The following TCERG1 variants were observed in gnomAD, a reference collection of about 807,000 sequenced individuals.
TCERG1 encodes TATA box binding protein (TBP)-associated factor, RNA polymerase II, S, 150kD.
In TCERG1, 37 loss-of-function variants were observed where a neutral mutation model predicts 144.7. The ratio of observed to expected loss-of-function variants is 0.26; its 90% CI spans 0.20 to 0.34. The LOEUF (loss-of-function observed/expected upper bound fraction) is 0.34, where lower values mean the gene tolerates loss of function less well. Among genes scored for constraint, TCERG1 ranks in the 10% least tolerant of loss-of-function variants. The pLI is 1.00. For synonymous variants in TCERG1, 492 were observed against 458.2 expected (o/e 1.07, Z -0.94); for missense variants, 1,027 against 1,380.7 (o/e 0.74, Z 4.06).
At chr5:146,471,621 C>G in intron 9 of TCERG1, 45 bp downstream of exon 9, 1 of 1,462,270 alleles carries the variant, frequency 6.8e-7, no homozygotes, top group Non-Finnish European at 9.4e-7. Context: ...TTTTTTGAGA[C>G]GGAGTCTCAC....
chr5:146,508,077 A>G (rs1224296846), intron 21 of TCERG1, 121 bp downstream of exon 21: 3 of 555,780 alleles, frequency 5.4e-6, no homozygotes, highest in Non-Finnish European at 9.0e-6. Flanking sequence ...TTTTAAGTGT[A>G]TGAGAAGTAA....
intron 1 of TCERG1, among the ~76,000 whole-genome samples, chr5:146,452,660 G>C (rs1041605801): frequency 6.6e-6 from 1 of 152,142 alleles, no homozygotes; most frequent in Non-Finnish European, 1.5e-5. Context: ...CACAATCTCG[G>C]CTCACTGCAA....
chr5:146,458,681 G>C (rs1382659801), intron 3 of TCERG1, among the ~76,000 whole-genome samples: 1 of 151,522 alleles, frequency 6.6e-6, no homozygotes, highest in Admixed American at 6.6e-5. Flanking sequence ...CACCATTTTG[G>C]CCAGGCTGGT....
At chr5:146,461,429 C>T (rs529976247) in intron 4 of TCERG1, among the ~76,000 whole-genome samples, 19 of 152,096 alleles carry the variant, frequency 1.2e-4, no homozygotes, top group Non-Finnish European at 2.6e-4. Flanking sequence ...AGGCCTAGTG[C>T]TTCACTAGCT....
At chr5:146,481,848 G>A (rs1765391692) in intron 13 of TCERG1, 1 of 152,126 alleles carries the variant, frequency 6.6e-6, no homozygotes, top group Non-Finnish European at 1.5e-5. Context: ...GTACCACACA[G>A]AAACAGGGTT....
intron 5 of TCERG1, among the ~76,000 whole-genome samples, chr5:146,467,566 C>G (rs1763899967): frequency 6.6e-6 from 1 of 152,114 alleles, no homozygotes; most frequent in Admixed American, 6.6e-5. Flanking sequence ...TTCTTTAATA[C>G]AAGTACTACT....
chr5:146,480,947 T>C (rs549681567), intron 12 of TCERG1, among the ~76,000 whole-genome samples: 8 of 152,000 alleles, frequency 5.3e-5, no homozygotes, highest in African/African-American at 1.9e-4. Flanking sequence ...TTTTATTAGT[T>C]GTGATTAACT....
At chr5:146,497,891 G>A (rs1476348967) in intron 16 of TCERG1, among the ~76,000 whole-genome samples, 1 of 151,986 alleles carries the variant, frequency 6.6e-6, no homozygotes, top group Non-Finnish European at 1.5e-5. Flanking sequence ...ATCTTTCCCT[G>A]CTGTTACACA....
chr5:146,462,349 A>G (rs1046129587), intron 4 of TCERG1, among the ~76,000 whole-genome samples: 12 of 152,178 alleles, frequency 7.9e-5, no homozygotes, highest in Non-Finnish European at 1.8e-4. Context: ...TCTTTACATC[A>G]AAAAAAGATG....
In TCERG1 at chr5:146,459,094, G is replaced by T. The variant is rs1763103843; in HGVS notation, c.649G>T (p.Ala217Ser). 2 of 1,593,198 alleles carry T rather than the reference G, an allele frequency of 1.3e-6. No individual in the cohort carries two copies. Among genetic ancestry groups the T allele is most frequent in the Non-Finnish European group, 1.7e-6 (2 of 1,164,140 alleles). ...AQAQAQAQAQ[A>S]QAQAQAQAQA... ...GGCTCAGGCCCAGGCCCAGGCCCAGGCCCAGGCCCAGGCCCAAGCCCAAGC... is the reference window on the plus strand; with the variant it reads ...GGCTCAGGCCCAGGCCCAGGCCCAGTCCCAGGCCCAGGCCCAAGCCCAAGC... Residue 217 changes from alanine to serine, a missense_variant, in exon 4 of 23, where the codon GCC becomes TCC. Ala to Ser is a moderately conservative substitution (Grantham distance 99). Around this residue, in one of 6 missense-constraint regions of TCERG1, gnomAD observed 187 missense variants for 169.1 expected, o/e 1.11. Coordinates refer to ENST00000679501, the MANE Select transcript of TCERG1 (RefSeq NM_001382548.1).
chr5:146,493,015 G>A lies in TCERG1; in HGVS notation c.2259G>A (p.Met753Ile). The change falls in exon 16 of 23, where the codon ATG becomes ATA. Residue 753 changes from methionine to isoleucine, a missense_variant. By Grantham distance (10) the Met-to-Ile change is conservative. Transcript: ENST00000679501. ...MQAKEDFKKM[M>I]EEAKFNPRAT... ...CCAAGGAAGATTTCAAAAAAATGAT[G>A]GAAGAAGCAAAATTTAATCCAAGGT... 6.2e-7 allele frequency: 1 copy of A among 1,602,638 alleles called. No individual in the cohort carries two copies.
At chr5:146,485,528 T>C (rs1765742485) in intron 15 of TCERG1, among the ~76,000 whole-genome samples, 2 of 152,218 alleles carry the variant, frequency 1.3e-5, no homozygotes, top group African/African-American at 4.8e-5. Flanking sequence ...AGAAGTAACA[T>C]ATTGAGAACT....
At chr5:146,474,355 T>G (rs1764632111) in intron 9 of TCERG1, among the ~76,000 whole-genome samples, 1 of 152,192 alleles carries the variant, frequency 6.6e-6, no homozygotes, top group African/African-American at 2.4e-5. Flanking sequence ...ATGAGAAAAC[T>G]GTAATGGGTC....
intron 7 of TCERG1, 97 bp downstream of exon 7, chr5:146,469,841 G>T: frequency 4.3e-6 from 4 of 921,036 alleles, no homozygotes; most frequent in South Asian, 2.6e-5. Flanking sequence ...ACATATTTGA[G>T]GGATTTTCTA....
intron 22 of TCERG1, 88 bp from the exon 23 acceptor site, chr5:146,510,353 T>G: frequency 1.1e-6 from 1 of 908,774 alleles, no homozygotes; most frequent in South Asian, 1.9e-5. Context: ...GGAAACACAA[T>G]TAGGAACTAG....
intron 15 of TCERG1, among the ~76,000 whole-genome samples, chr5:146,489,632 A>G (rs7727446): frequency 0.038 from 5,722 of 152,270 alleles, 276 homozygotes; most frequent in African/African-American, 0.1. Flanking sequence ...ATTTCACAAA[A>G]TGAATATATC....
chr5:146,504,557 A>G (rs982848291), intron 19 of TCERG1: 17 of 152,230 alleles, frequency 1.1e-4, no homozygotes, highest in African/African-American at 3.9e-4. Flanking sequence ...TTGCTAATAT[A>G]TTTTGGAGTT....
chr5:146,509,274 C>T, intron 22 of TCERG1, 29 bp downstream of exon 22: 1 of 1,432,556 alleles, frequency 7.0e-7, no homozygotes, highest in African/African-American at 1.4e-5. Flanking sequence ...TTCATATTGG[C>T]AGTCATTCTC....
At position 146,511,437 on chromosome 5, in the gene TCERG1, A is replaced by G. The variant is rs1768447931; in HGVS notation, c.*795A>G. 6.6e-6 allele frequency: 1 copy of G among 152,618 alleles called. No homozygotes were observed. Among genetic ancestry groups the G allele is most frequent in the Non-Finnish European group, 1.5e-5 (1 of 68,028 alleles). 9.5% of individuals were successfully genotyped at this position (152,618 alleles called of 1,614,324 possible). A position where few individuals can be genotyped will look rare whatever the true frequency, so the allele number is the denominator to read the frequency against. ...GTTTGAATGTTAAACTTTGTTGCTA[A>G]AGTTTAATTTTAAGATGTTTGAATG... On this transcript the variant is annotated 3_prime_UTR_variant, in exon 23 of 23. Coordinates refer to ENST00000679501, the MANE Select transcript of TCERG1 (RefSeq NM_001382548.1).
Sources: allele counts gnomAD v4.1 joint callset (sites outside exome capture counted in the v4.1 genomes callset), GRCh38; gene constraint gnomAD v4.1.1; regional missense constraint gnomAD v4.1.1; transcripts MANE v1.5; gene names NCBI Gene and HGNC (gene_info 2026-07-23, HGNC 2026-07-21).